The following NRCAM variants were observed in gnomAD, a reference collection of about 807,000 sequenced individuals.
NRCAM encodes the protein NgCAM-related cell adhesion molecule.
Under a neutral mutation model 156.5 loss-of-function variants are expected in NRCAM, and 83 were observed. The ratio of observed to expected loss-of-function variants is 0.53; its 90% CI spans 0.44 to 0.64. The LOEUF (loss-of-function observed/expected upper bound fraction) is 0.64. Among genes scored for constraint, NRCAM ranks in the 30% least tolerant of loss-of-function variants. The probability of loss-of-function intolerance (pLI) is 0.00; values close to 1 mark genes in which losing one functional copy is unlikely to be tolerated. For synonymous variants in NRCAM, 538 were observed against 563.9 expected, an observed-to-expected ratio of 0.95 and a Z score of 0.65; for missense variants, 1,417 against 1,597.3, an observed-to-expected ratio of 0.89 and a Z score of 1.92.
intron 2 of NRCAM, among the ~76,000 whole-genome samples, chr7:108,326,155 T>C (rs2099066252): frequency 6.6e-6 from 1 of 152,206 alleles, no homozygotes; most frequent in South Asian, 2.1e-4. Flanking sequence ...AATCTACGCA[T>C]ACACATGTTT....
intron 1 of NRCAM, among the ~76,000 whole-genome samples, chr7:108,420,112 T>C (rs1354396750): frequency 6.6e-6 from 1 of 151,878 alleles, no homozygotes; most frequent in Non-Finnish European, 1.5e-5. Context: ...CAAAAGAATA[T>C]CCTTTCAGAA....
chr7:108,306,733 G>A (rs190886497), intron 3 of NRCAM, among the ~76,000 whole-genome samples: 1 of 152,216 alleles, frequency 6.6e-6, no homozygotes, highest in East Asian at 1.9e-4. Flanking sequence ...AATACAGCAG[G>A]AGAAGTCACA....
chr7:108,315,082 C>T (rs2098887258), intron 2 of NRCAM, among the ~76,000 whole-genome samples: 1 of 151,516 alleles, frequency 6.6e-6, no homozygotes, highest in Non-Finnish European at 1.5e-5. Context: ...TTCAGAACAT[C>T]AATTATGAAA....
At chr7:108,391,653 C>A (rs1290655757) in intron 2 of NRCAM, among the ~76,000 whole-genome samples, 1 of 152,170 alleles carries the variant, frequency 6.6e-6, no homozygotes, top group African/African-American at 2.4e-5. Context: ...TTAGTTGATG[C>A]AGTTTCTTCC....
chr7:108,392,013 C>A (rs1344553836), intron 2 of NRCAM, among the ~76,000 whole-genome samples: 30 of 152,156 alleles, frequency 2.0e-4, no homozygotes, highest in Non-Finnish European at 3.8e-4. Flanking sequence ...AACCTTTTTT[C>A]CTTCATTTCA....
intron 2 of NRCAM, among the ~76,000 whole-genome samples, chr7:108,341,683 G>C (rs1290804143): frequency 6.6e-6 from 1 of 152,098 alleles, no homozygotes; most frequent in Non-Finnish European, 1.5e-5. Context: ...TTAAACTAAA[G>C]GATTCTGTCC....
At chr7:108,153,178 C>G (rs973124685) in intron 32 of NRCAM, among the ~76,000 whole-genome samples, 1 of 152,048 alleles carries the variant, frequency 6.6e-6, no homozygotes, top group African/African-American at 2.4e-5. Context: ...CATTCATGAA[C>G]ATAGATGAAA....
intron 13 of NRCAM, chr7:108,207,314 C>A (rs1437195701): frequency 5.1e-6 from 2 of 390,542 alleles, no homozygotes; most frequent in Non-Finnish European, 9.1e-6. Flanking sequence ...AAGTACCAGT[C>A]ATCACATGCC....
chr7:108,194,140 A>G lies in NRCAM; in HGVS notation c.1662T>C (p.Tyr554=). ...CCATGCTCCCTCTTTGCACAACTGCATATTCGGGCTGTTTAACGATCCATG... is the reference window on the plus strand; with the variant it reads ...CCATGCTCCCTCTTTGCACAACTGCGTATTCGGGCTGTTTAACGATCCATG... ...DPTWIVKQPE[Y]AVVQRGSMVS... is the part of the protein sequence containing the mutation. The change falls in exon 17 of 33, where the codon TAT becomes TAC. Residue 554 remains tyrosine (Y), a synonymous_variant. Transcript: ENST00000379028. 6.2e-7 allele frequency: 1 copy of G among 1,614,096 alleles called. No individual in the cohort carries two copies. Among genetic ancestry groups the G allele is most frequent in the Non-Finnish European group, 8.5e-7 (1 of 1,179,922 alleles).
chr7:108,276,817 T>C (rs1420822525), intron 3 of NRCAM, among the ~76,000 whole-genome samples: 6 of 152,202 alleles, frequency 3.9e-5, no homozygotes, highest in Non-Finnish European at 8.8e-5. Flanking sequence ...ATTGATGCAG[T>C]TTCTTCATAG....
chr7:108,237,416 A>G (rs138169584), intron 5 of NRCAM, among the ~76,000 whole-genome samples: 44 of 152,352 alleles, frequency 2.9e-4, no homozygotes, highest in Middle Eastern at 6.8e-3. Context: ...TGTTCCAGAA[A>G]GCATTAATTA....
intron 3 of NRCAM, among the ~76,000 whole-genome samples, chr7:108,256,117 G>T (rs2096648014): frequency 6.6e-6 from 1 of 152,154 alleles, no homozygotes; most frequent in Admixed American, 6.5e-5. Flanking sequence ...CACCCCGTCT[G>T]GGAGGTGTAC....
chr7:108,211,360 T>G (rs186071603), intron 11 of NRCAM, among the ~76,000 whole-genome samples: 12 of 152,130 alleles, frequency 7.9e-5, no homozygotes. Flanking sequence ...TTTATAACAA[T>G]TTGAACCAGA....
chr7:108,287,395 T>G (rs1175919372), intron 3 of NRCAM, among the ~76,000 whole-genome samples: 1 of 151,920 alleles, frequency 6.6e-6, no homozygotes, highest in African/African-American at 2.4e-5. Flanking sequence ...ACAGACAACC[T>G]ACAAAATGGG....
At chr7:108,389,968 T>C (rs964024354) in intron 2 of NRCAM, among the ~76,000 whole-genome samples, 1 of 152,234 alleles carries the variant, frequency 6.6e-6, no homozygotes, top group Non-Finnish European at 1.5e-5. Flanking sequence ...CAGTATTTTA[T>C]TGAGGATTTT....
chr7:108,412,116 T>C (rs1796145076), intron 1 of NRCAM, among the ~76,000 whole-genome samples: 1 of 152,156 alleles, frequency 6.6e-6, no homozygotes, highest in Non-Finnish European at 1.5e-5. Context: ...AAGAAAACTG[T>C]TTTTCTATCT....
intron 3 of NRCAM, among the ~76,000 whole-genome samples, chr7:108,266,674 G>A (rs938053147): frequency 2.6e-5 from 4 of 152,172 alleles, no homozygotes; most frequent in Non-Finnish European, 5.9e-5. Context: ...CATTCCCTGT[G>A]ACTCACACCA....
chr7:108,210,147 T>C (rs558603486), intron 11 of NRCAM, among the ~76,000 whole-genome samples: 1 of 152,246 alleles, frequency 6.6e-6, no homozygotes, highest in Admixed American at 6.5e-5. Context: ...AGAGCTTTTT[T>C]TCCTTAGTTT....
At position 108,266,520 on chromosome 7, in the gene NRCAM, C is replaced by T. The variant is rs78231711; in HGVS notation, c.-106-26350G>A. Among the ~76,000 whole-genome samples the T allele has an allele frequency of 6.6e-3, 998 of 152,290 alleles. 10 individuals carry two copies. The highest frequency in any genetic ancestry group is 0.023 in the African/African-American group (964 of 41,572). On this transcript the variant is annotated intron_variant, in intron 3 of 32. Coordinates refer to ENST00000379028, the MANE Select transcript of NRCAM (RefSeq NM_001037132.4). ...ACTACACTGCACACGCATGTGTGTT[C>T]TCTAGGTAAATTTAAATGATATTTT...
Sources: gnomAD v4.1 joint callset for allele counts (sites outside exome capture counted in the v4.1 genomes callset) on GRCh38, gnomAD v4.1.1 for gene constraint, MANE v1.5 for transcripts, NCBI Gene and HGNC (gene_info 2026-07-23, HGNC 2026-07-21) for gene names.